GALNT10: variants seen among roughly 807,000 people sequenced by gnomAD.
GALNT10 encodes the protein polypeptide N-acetylgalactosaminyltransferase 10.
In GALNT10, 41 loss-of-function variants were observed where a neutral mutation model predicts 75.0. The ratio of observed to expected loss-of-function variants is 0.55; its 90% CI spans 0.43 to 0.71. GALNT10 has a LOEUF of 0.71. GALNT10 is among the 30% of genes least tolerant of loss of function. The pLI is 0.00. For synonymous variants in GALNT10, 302 were observed against 313.0 expected, an observed-to-expected ratio of 0.96 and a Z score of 0.37; for missense variants, 727 against 818.5, an observed-to-expected ratio of 0.89 and a Z score of 1.36.
chr5:154,239,467 G>A (rs951647449), intron 1 of GALNT10, among the ~76,000 whole-genome samples: 2 of 152,228 alleles, frequency 1.3e-5, no homozygotes, highest in South Asian at 2.1e-4. Flanking sequence ...GTTCTCATAG[G>A]AGCCAAACCC....
At chr5:154,234,278 C>T (rs1458962960) in intron 1 of GALNT10, among the ~76,000 whole-genome samples, 1 of 152,156 alleles carries the variant, frequency 6.6e-6, no homozygotes, top group Admixed American at 6.5e-5. Context: ...CCCACAAAAC[C>T]AGACCTGCCC....
At chr5:154,306,312 A>G (rs1260217174) in intron 3 of GALNT10, among the ~76,000 whole-genome samples, 2 of 152,210 alleles carry the variant, frequency 1.3e-5, no homozygotes, top group African/African-American at 4.8e-5. Flanking sequence ...AAAGGATTCA[A>G]GTGATACAAA....
chr5:154,305,118 C>T (rs1754412363), intron 3 of GALNT10, among the ~76,000 whole-genome samples: 2 of 151,842 alleles, frequency 1.3e-5, no homozygotes, highest in Admixed American at 6.6e-5. Context: ...CTGGGCAAGA[C>T]CCCATTTCTA....
intron 1 of GALNT10, among the ~76,000 whole-genome samples, chr5:154,245,967 C>G (rs1393161375): frequency 1.3e-4 from 19 of 151,780 alleles, no homozygotes; most frequent in Non-Finnish European, 2.1e-4. Context: ...ACTCCCCCCA[C>G]CCCACAACAG....
intron 4 of GALNT10, among the ~76,000 whole-genome samples, chr5:154,353,847 C>G (rs1755248530): frequency 6.6e-6 from 1 of 152,212 alleles, no homozygotes; most frequent in Non-Finnish European, 1.5e-5. Flanking sequence ...ACAGCCTTAC[C>G]TCCCTCTTCC....
rs114179205 is a variant in GALNT10, at chr5:154,328,133, C to T, written c.402-1439C>T. Among the ~76,000 whole-genome samples, 598 of 151,206 alleles carry T rather than the reference C, an allele frequency of 4.0e-3. 2 individuals are homozygous for T. Among genetic ancestry groups the T allele is most frequent in the African/African-American group, 0.014 (580 of 41,264 alleles). On this transcript the variant is annotated intron_variant, in intron 3 of 11. Transcript: ENST00000297107. ...TTATGTATAAAAGAGACTTAGGAGA[C>T]GCATGAGCTGTATGCAGTACGTGGA...
chr5:154,415,640 C>G, intron 10 of GALNT10, 143 bp from the exon 11 acceptor site: 2 of 828,338 alleles, frequency 2.4e-6, no homozygotes, highest in Non-Finnish European at 3.7e-6. Context: ...AAGTTAGTAA[C>G]TTTTAAAGCT....
chr5:154,308,429 C>A (rs1331164369), intron 3 of GALNT10, among the ~76,000 whole-genome samples: 1 of 152,124 alleles, frequency 6.6e-6, no homozygotes, highest in African/African-American at 2.4e-5. Flanking sequence ...ATTCCCATAG[C>A]AGAAAGGAAG....
chr5:154,279,640 T>C (rs1218794844), intron 1 of GALNT10, among the ~76,000 whole-genome samples: 1 of 151,942 alleles, frequency 6.6e-6, no homozygotes, highest in East Asian at 1.9e-4. Flanking sequence ...TGTAGTGACA[T>C]TGTGTACTTG....
intron 3 of GALNT10, among the ~76,000 whole-genome samples, chr5:154,310,440 T>TG (rs1491261360): frequency 1.8e-5 from 1 of 54,336 alleles, no homozygotes; most frequent in African/African-American, 7.7e-5. Context: ...GGGTTTTTTT[T>TG]GTTTTTTTTT....
intron 1 of GALNT10, among the ~76,000 whole-genome samples, chr5:154,260,981 C>T (rs183370749): frequency 6.6e-6 from 1 of 151,942 alleles, no homozygotes; most frequent in African/African-American, 2.4e-5. Flanking sequence ...TAGACACCGG[C>T]CATTCTGTCT....
Position 154,417,138 on chromosome 5 carries a change from G to A in GALNT10, c.*166G>A. 1 of 625,924 alleles carries A rather than the reference G, an allele frequency of 1.6e-6. No individual in the cohort carries two copies. The highest frequency in any genetic ancestry group is 1.9e-5 in the South Asian group (1 of 52,042). 38.8% of individuals were successfully genotyped at this position (625,924 alleles called of 1,614,324 possible). On this transcript the variant is annotated 3_prime_UTR_variant, in exon 12 of 12. Coordinates refer to ENST00000297107, the MANE Select transcript of GALNT10 (RefSeq NM_198321.4). ...AGGGGCTGGGGTCTGCCTGGTCCTTGAGCCCCTGAGTTGTGGGGGTAGGGT... is the reference window on the plus strand; with the variant it reads ...AGGGGCTGGGGTCTGCCTGGTCCTTAAGCCCCTGAGTTGTGGGGGTAGGGT...
rs1415515004 is a variant in GALNT10, at chr5:154,292,819, TCTCTGCCTTCCTCTTCCC to T, written c.160-1996_160-1979del. ...AAGAGCAGGCAGAGCAAGCCCCTAC[TCTCTGCCTTCCTCTTCCC>T]AAGGCAGTGCCGGGGTCCCCTCCTG... On this transcript the variant is annotated intron_variant, in intron 1 of 11. Transcript: ENST00000297107. 3.5e-4 allele frequency among the ~76,000 whole-genome samples: 54 copies of T among 152,202 alleles called. 1 individual carries two copies. The highest frequency in any genetic ancestry group is 1.3e-4 in the Non-Finnish European group (9 of 68,040).
intron 7 of GALNT10, among the ~76,000 whole-genome samples, chr5:154,394,300 A>G (rs1044399426): frequency 6.8e-6 from 1 of 146,544 alleles, no homozygotes; most frequent in African/African-American, 2.5e-5. Flanking sequence ...GCCCAGTCCC[A>G]GGCTACGTGA....
At chr5:154,328,547 C>T (rs1051689397) in intron 3 of GALNT10, among the ~76,000 whole-genome samples, 3 of 152,156 alleles carry the variant, frequency 2.0e-5, no homozygotes, top group South Asian at 2.1e-4. Flanking sequence ...GGGGGCTCCC[C>T]GACAAGCAAT....
At chr5:154,373,082 A>T (rs1399340857) in intron 4 of GALNT10, among the ~76,000 whole-genome samples, 1 of 152,198 alleles carries the variant, frequency 6.6e-6, no homozygotes, top group Non-Finnish European at 1.5e-5. Flanking sequence ...ACGCTGAGGC[A>T]TCTCTTCTCA....
chr5:154,383,055 A>G (rs1755756272), intron 6 of GALNT10, among the ~76,000 whole-genome samples: 1 of 152,176 alleles, frequency 6.6e-6, no homozygotes, highest in Non-Finnish European at 1.5e-5. Context: ...AGGTATCATC[A>G]TTTTTTAAAG....
At chr5:154,359,022 C>T (rs927495094) in intron 4 of GALNT10, among the ~76,000 whole-genome samples, 1 of 152,094 alleles carries the variant, frequency 6.6e-6, no homozygotes, top group Non-Finnish European at 1.5e-5. Flanking sequence ...ATTAATCATT[C>T]GGTGTTGAAG....
intron 4 of GALNT10, among the ~76,000 whole-genome samples, chr5:154,336,959 T>A (rs1223247860): frequency 6.6e-6 from 1 of 152,210 alleles, no homozygotes; most frequent in Non-Finnish European, 1.5e-5. Context: ...ATTTTACAGA[T>A]GATGAAACTG....
Sources: allele counts gnomAD v4.1 joint callset (sites outside exome capture counted in the v4.1 genomes callset), GRCh38; gene constraint gnomAD v4.1.1; transcripts MANE v1.5; gene names NCBI Gene and HGNC (gene_info 2026-07-23, HGNC 2026-07-21).